ALPK2: variants seen among roughly 807,000 people sequenced by gnomAD.
ALPK2 encodes the protein alpha-protein kinase 2.
A neutral mutation model predicts 163.1 loss-of-function variants in ALPK2; 127 were observed. The ratio of observed to expected loss-of-function variants is 0.78; its 90% CI spans 0.67 to 0.90. The LOEUF (loss-of-function observed/expected upper bound fraction) is 0.90, where lower values mean the gene tolerates loss of function less well. ALPK2 is among the 40% of genes least tolerant of loss of function. The pLI, the probability that ALPK2 is intolerant of heterozygous loss-of-function variation, is 0.00. For synonymous variants in ALPK2, 953 were observed against 959.1 expected (o/e 0.99, Z 0.12); for missense variants, 2,360 against 2,589.6 (o/e 0.91, Z 1.92).
intron 1 of ALPK2, among the ~76,000 whole-genome samples, chr18:58,614,535 T>C (rs933094210): frequency 2.0e-5 from 3 of 152,198 alleles, no homozygotes; most frequent in African/African-American, 4.8e-5. Flanking sequence ...AGATAGCAAA[T>C]AAATACCTCC....
At chr18:58,553,850 GTTTTTTTTTTTTTTTTTT>G (rs71173061) in intron 4 of ALPK2, among the ~76,000 whole-genome samples, 2 of 73,994 alleles carry the variant, frequency 2.7e-5, no homozygotes, top group African/African-American at 1.1e-4. Flanking sequence ...TTTTTTTTTG[GTTTTTTTTTTTTTTTTTT>G]TTTTTTTTTT....
chr18:58,484,484 C>T (rs543597116), intron 12 of ALPK2, among the ~76,000 whole-genome samples: 1 of 152,260 alleles, frequency 6.6e-6, no homozygotes, highest in South Asian at 2.1e-4. Flanking sequence ...TCCTGATCTC[C>T]AAAGTGTGAA....
At position 58,535,754 on chromosome 18, in the gene ALPK2, T is replaced by G; in HGVS notation, c.4433A>C (p.Glu1478Ala). The change falls in exon 5 of 13, where the codon GAG (glutamate) becomes GCG (alanine). Residue 1478 changes from glutamate to alanine, a missense_variant. Transcript: ENST00000361673. ...SRSQEGSMKQ[E>A]AEQIQPEEAK... ...CTCCTCAGGTTGAATTTGTTCAGCC[T>G]CCTGCTTCATACTGCCTTCTTGGCT... is the stretch of plus-strand genomic sequence containing the variant. The G allele has an allele frequency of 6.2e-7, 1 of 1,614,230 alleles. No individual in the cohort carries two copies. The highest frequency in any genetic ancestry group is 8.5e-7 in the Non-Finnish European group (1 of 1,180,026).
At chr18:58,616,309 A>G (rs768682938) in intron 1 of ALPK2, among the ~76,000 whole-genome samples, 1 of 152,118 alleles carries the variant, frequency 6.6e-6, no homozygotes, top group African/African-American at 2.4e-5. Context: ...GGGAAACAGA[A>G]TCTCTCTCTC....
At chr18:58,491,671 G>T (rs561179838) in intron 12 of ALPK2, among the ~76,000 whole-genome samples, 2 of 152,196 alleles carry the variant, frequency 1.3e-5, no homozygotes, top group South Asian at 4.2e-4. Flanking sequence ...TTTTCAGGGA[G>T]ACTGATTTGA....
At chr18:58,524,866 C>A (rs1020561987) in intron 6 of ALPK2, among the ~76,000 whole-genome samples, 2 of 151,716 alleles carry the variant, frequency 1.3e-5, no homozygotes, top group African/African-American at 4.8e-5. Context: ...AATTATGGTT[C>A]CCGCCCTCAA....
intron 3 of ALPK2, among the ~76,000 whole-genome samples, chr18:58,597,505 G>A (rs1311835361): frequency 6.6e-6 from 1 of 152,190 alleles, no homozygotes; most frequent in Admixed American, 6.5e-5. Context: ...GCAGACAGAG[G>A]TTAAGCAACC....
chr18:58,503,935 C>A lies in ALPK2; in HGVS notation c.6243G>T (p.Met2081Ile). The A allele has an allele frequency of 6.2e-7, 1 of 1,612,504 alleles. No individual in the cohort carries two copies. Among genetic ancestry groups the A allele is most frequent in the South Asian group, 1.1e-5 (1 of 90,636 alleles). Reference sequence around the variant, plus strand: ...GGGCTAAGCTGCTTTCCTCACCTTGCATGTCCGTCACCAGGAGGCAGCCAC... The same window carrying A: ...GGGCTAAGCTGCTTTCCTCACCTTGAATGTCCGTCACCAGGAGGCAGCCAC... ...KTSGCLLVTD[M>I]QGVGMKLTDV... Residue 2081 changes from methionine (M) to isoleucine (I), a missense_variant, in exon 11 of 13, where the codon ATG becomes ATT. Coordinates refer to ENST00000361673, the MANE Select transcript of ALPK2 (RefSeq NM_052947.4).
chr18:58,507,063 G>A (rs2051465515), intron 10 of ALPK2, among the ~76,000 whole-genome samples: 1 of 152,230 alleles, frequency 6.6e-6, no homozygotes, highest in Non-Finnish European at 1.5e-5. Flanking sequence ...CTGATGGCGG[G>A]CCATAGAGGC....
intron 10 of ALPK2, among the ~76,000 whole-genome samples, chr18:58,505,967 C>T (rs2051459833): frequency 6.6e-6 from 1 of 152,184 alleles, no homozygotes; most frequent in African/African-American, 2.4e-5. Flanking sequence ...GTTCCTCATC[C>T]TCTCCCCTTT....
rs1322998299 is a variant in ALPK2 at position 58,529,226 on chromosome 18, A to G, written c.5366T>C (p.Leu1789Pro). Residue 1789 changes from leucine to proline, a missense_variant, in exon 6 of 13, where the codon CTG becomes CCG. Physicochemically the swap from Leu to Pro is moderately conservative, Grantham distance 98 (BLOSUM62 -3). Transcript: ENST00000361673. The part of the protein sequence containing the change: ...CKREGRAPVL[L>P]KKIQAEMFPE... Reference sequence around the variant, plus strand: ...GAACATCTCAGCTTGGATCTTTTTCAGTAATACTGGAGCTAGAAACAAGAT... The same window carrying G: ...GAACATCTCAGCTTGGATCTTTTTCGGTAATACTGGAGCTAGAAACAAGAT... 70 of 1,612,124 alleles carry G rather than the reference A, an allele frequency of 4.3e-5. No homozygotes were observed. Among genetic ancestry groups the G allele is most frequent in the Non-Finnish European group, 5.9e-5 (69 of 1,179,406 alleles).
At chr18:58,615,717 A>T (rs1166708029) in intron 1 of ALPK2, among the ~76,000 whole-genome samples, 1 of 152,246 alleles carries the variant, frequency 6.6e-6, no homozygotes, top group Non-Finnish European at 1.5e-5. Flanking sequence ...TTTACAGGAC[A>T]TGACCTTCCA....
At chr18:58,558,277 C>G (rs1318859637) in intron 4 of ALPK2, among the ~76,000 whole-genome samples, 1 of 152,084 alleles carries the variant, frequency 6.6e-6, no homozygotes, top group Non-Finnish European at 1.5e-5. Context: ...GGAAAATATA[C>G]ACCAGAGTTT....
chr18:58,526,620 C>T (rs539789094), intron 6 of ALPK2, among the ~76,000 whole-genome samples: 1 of 152,172 alleles, frequency 6.6e-6, no homozygotes, highest in Non-Finnish European at 1.5e-5. Flanking sequence ...TACTGATGGC[C>T]AAATAGCACC....
At chr18:58,550,216 T>C (rs1454184930) in intron 4 of ALPK2, among the ~76,000 whole-genome samples, 1 of 151,894 alleles carries the variant, frequency 6.6e-6, no homozygotes, top group Non-Finnish European at 1.5e-5. Context: ...ACAACCCTTA[T>C]CTATGCCTCT....
intron 12 of ALPK2, among the ~76,000 whole-genome samples, chr18:58,496,924 A>G (rs1333430961): frequency 1.3e-5 from 2 of 152,188 alleles, no homozygotes; most frequent in South Asian, 2.1e-4. Flanking sequence ...CACCTGCCCT[A>G]ATCACCCCAG....
intron 12 of ALPK2, among the ~76,000 whole-genome samples, chr18:58,485,167 G>A (rs984605369): frequency 1.3e-5 from 2 of 152,200 alleles, no homozygotes; most frequent in African/African-American, 4.8e-5. Context: ...CCTGCCCGGT[G>A]GGAGAGAGTG....
chr18:58,586,747 C>T lies in ALPK2; in HGVS notation c.228-6199G>A, dbSNP rs2051988518. Reference sequence around the variant, plus strand: ...GCAAAAATATCTTTTTCCCTAGGGGCATTTGTAAAAAAAAAAAAAAATTAT... The same window carrying T: ...GCAAAAATATCTTTTTCCCTAGGGGTATTTGTAAAAAAAAAAAAAAATTAT... On this transcript the variant is annotated intron_variant, in intron 3 of 12. Coordinates refer to ENST00000361673, the MANE Select transcript of ALPK2 (RefSeq NM_052947.4). Among the ~76,000 whole-genome samples the T allele has an allele frequency of 4.2e-5, 6 of 143,306 alleles. No homozygotes were observed. In the Admixed American group the frequency reaches 4.2e-4, roughly 10 times the overall value. The allele number at this position is 143,306 out of a possible 152,430, so 94.0% of individuals were successfully genotyped here. A position where few individuals can be genotyped will look rare whatever the true frequency, so the allele number is the denominator to read the frequency against.
chr18:58,615,898 A>G (rs1285941885), intron 1 of ALPK2, among the ~76,000 whole-genome samples: 1 of 152,216 alleles, frequency 6.6e-6, no homozygotes, highest in African/African-American at 2.4e-5. Flanking sequence ...AACACACACT[A>G]TTTGACTCAC....
Sources: gnomAD v4.1 joint callset for allele counts (sites outside exome capture counted in the v4.1 genomes callset) on GRCh38, gnomAD v4.1.1 for gene constraint, MANE v1.5 for transcripts, NCBI Gene and HGNC (gene_info 2026-07-23, HGNC 2026-07-21) for gene names.